FGD4: variants seen among roughly 807,000 people sequenced by gnomAD.
FGD4 encodes the protein FYVE, RhoGEF and PH domain-containing protein 4.
FGD4 carries 42 observed loss-of-function variants against 102.0 expected under a neutral mutation model. The observed-to-expected ratio is 0.41, with a 90% CI of 0.32 to 0.53. The LOEUF is 0.53. FGD4 is among the 20% of genes least tolerant of loss of function. The probability of loss-of-function intolerance (pLI) is 0.21; values close to 1 mark genes in which losing one functional copy is unlikely to be tolerated. For synonymous variants in FGD4, 380 were observed against 375.7 expected, an observed-to-expected ratio of 1.01 and a Z score of -0.13; for missense variants, 902 against 1,078.2, an observed-to-expected ratio of 0.84 and a Z score of 2.29.
At chr12:32,558,765 G>A (rs977453985) in intron 1 of FGD4, among the ~76,000 whole-genome samples, 10 of 152,234 alleles carry the variant, frequency 6.6e-5, no homozygotes, top group African/African-American at 1.9e-4. Context: ...CAGTTGGAAC[G>A]AGGGAGCTAT....
intron 1 of FGD4, chr12:32,511,973 T>A (rs2136678898): frequency 1.3e-5 from 2 of 152,266 alleles, no homozygotes; most frequent in Admixed American, 1.3e-4. Flanking sequence ...CTTCCCCCTA[T>A]TTAAAAAAAT....
chr12:32,606,116 G>A (rs1037975780), intron 7 of FGD4, among the ~76,000 whole-genome samples: 1 of 152,062 alleles, frequency 6.6e-6, no homozygotes, highest in Non-Finnish European at 1.5e-5. Context: ...AAATATTTGG[G>A]ATCAGTAATA....
chr12:32,513,113 G>A (rs1477063793), intron 1 of FGD4, among the ~76,000 whole-genome samples: 1 of 152,140 alleles, frequency 6.6e-6, no homozygotes, highest in Non-Finnish European at 1.5e-5. Flanking sequence ...ACTGTACAAA[G>A]GTACATGCAA....
intron 1 of FGD4, among the ~76,000 whole-genome samples, chr12:32,469,181 A>G (rs1943348890): frequency 6.6e-6 from 1 of 152,034 alleles, no homozygotes; most frequent in Non-Finnish European, 1.5e-5. Flanking sequence ...GTATATACTT[A>G]TTGTTTAAAT....
At position 32,500,396 on chromosome 12, in the gene FGD4, TA is replaced by T. The variant is rs1291996264; in HGVS notation, c.167-63740del. Among the ~76,000 whole-genome samples the T allele has an allele frequency of 9.5e-3, 137 of 14,368 alleles. 1 individual carries two copies. Among genetic ancestry groups the T allele is most frequent in the African/African-American group, 0.03 (125 of 4,154 alleles). The allele number at this position is 14,368 out of a possible 152,430, so 9.4% of individuals were successfully genotyped here. ...TTCTGACCTTATTTTATTTTATTTTTATTTTATTTTATTTTATTTTATTTTA... is the reference window on the plus strand; with the variant it reads ...TTCTGACCTTATTTTATTTTATTTTTTTTTATTTTATTTTATTTTATTTTA... On this transcript the variant is annotated intron_variant, in intron 1 of 16. Transcript: ENST00000534526.
At chr12:32,594,513 C>T (rs1947719268) in intron 4 of FGD4, among the ~76,000 whole-genome samples, 1 of 152,118 alleles carries the variant, frequency 6.6e-6, no homozygotes, top group Non-Finnish European at 1.5e-5. Context: ...AAATAAAGTA[C>T]ACAATAAATG....
intron 2 of FGD4, among the ~76,000 whole-genome samples, chr12:32,571,095 T>C (rs1365524523): frequency 6.6e-6 from 1 of 152,246 alleles, no homozygotes; most frequent in Non-Finnish European, 1.5e-5. Flanking sequence ...GTGTTACTTT[T>C]TCAGTCTTTG....
intron 4 of FGD4, among the ~76,000 whole-genome samples, chr12:32,584,688 T>C (rs1011852603): frequency 6.6e-6 from 1 of 152,298 alleles, no homozygotes; most frequent in East Asian, 1.9e-4. Flanking sequence ...CTTGTTAGCA[T>C]AGCACACCAG....
chr12:32,635,427 T>C (rs567640161), intron 15 of FGD4, among the ~76,000 whole-genome samples: 23 of 152,314 alleles, frequency 1.5e-4, no homozygotes, highest in African/African-American at 4.3e-4. Context: ...TTAGGTCAAC[T>C]CATATAATGA....
chr12:32,645,768 A>C lies in FGD4; in HGVS notation c.*5235A>C, dbSNP rs1951376475. On this transcript the variant is annotated 3_prime_UTR_variant, in exon 17 of 17. Coordinates refer to ENST00000534526, the MANE Select transcript of FGD4 (RefSeq NM_001370298.3). The stretch of plus-strand genomic sequence containing the variant: ...AGAGCAAGACTTCGACTCAAAAAAT[A>C]AAATAAGCGTATCTGGATTTTTCTT... The C allele has an allele frequency of 6.6e-6, 1 of 152,250 alleles. No individual in the cohort carries two copies. The highest frequency in any genetic ancestry group is 1.5e-5 in the Non-Finnish European group (1 of 68,050). The allele number at this position is 152,250 out of a possible 1,614,324, so 9.4% of individuals were successfully genotyped here.
At chr12:32,550,670 CAAAAAAAAAAAA>C (rs71447606) in intron 1 of FGD4, among the ~76,000 whole-genome samples, 1 of 89,244 alleles carries the variant, frequency 1.1e-5, no homozygotes, top group Non-Finnish European at 2.2e-5. Flanking sequence ...GACACTGTCT[CAAAAAAAAAAAA>C]AAAAAAAAAG....
At chr12:32,596,827 C>T (rs560255751) in intron 4 of FGD4, among the ~76,000 whole-genome samples, 75 of 151,500 alleles carry the variant, frequency 5.0e-4, no homozygotes, top group African/African-American at 1.5e-3. Flanking sequence ...CTCAGCTACT[C>T]GGGAGACTGA....
intron 3 of FGD4, among the ~76,000 whole-genome samples, chr12:32,580,178 C>G (rs1053370151): frequency 6.6e-6 from 1 of 152,118 alleles, no homozygotes; most frequent in Non-Finnish European, 1.5e-5. Context: ...GGTTTGACCT[C>G]TGGCTTTTCT....
At position 32,637,920 on chromosome 12, in the gene FGD4, C is replaced by G. The variant is rs1592506598; in HGVS notation, c.2314-735C>G. ...TGAAGATGAGATTTGGGTGGGGACA[C>G]AAGGCCTAACCATATCACTCTACAA... On this transcript the variant is annotated intron_variant, in intron 15 of 16. Transcript: ENST00000534526. 2.6e-5 allele frequency: 4 copies of G among 152,410 alleles called. 1 individual carries two copies. Among genetic ancestry groups the G allele is most frequent in the Admixed American group, 2.6e-4 (4 of 15,308 alleles). 9.4% of individuals were successfully genotyped at this position (152,410 alleles called of 1,614,324 possible). A position where few individuals can be genotyped will look rare whatever the true frequency, so the allele number is the denominator to read the frequency against.
rs1298083291 is a variant in FGD4, at chr12:32,600,583, TCTTTC to T, written c.1102-694_1102-690del. 52 of 364,254 alleles carry T rather than the reference TCTTTC, an allele frequency of 1.4e-4. 2 individuals are homozygous for T. The highest frequency in any genetic ancestry group is 1.4e-3 in the African/African-American group (47 of 34,166). 22.6% of individuals were successfully genotyped at this position (364,254 alleles called of 1,614,324 possible). On this transcript the variant is annotated intron_variant, in intron 5 of 16. Coordinates refer to ENST00000534526, the MANE Select transcript of FGD4 (RefSeq NM_001370298.3). Reference sequence around the variant, plus strand: ...TGTTTTTTGTTTTTCTTTCTTTCTTTCTTTCTTTCTTTTTTTTTTTTTTGTCTTCA... The same window carrying T: ...TGTTTTTTGTTTTTCTTTCTTTCTTTTTTCTTTTTTTTTTTTTTGTCTTCA...
At chr12:32,555,217 G>A (rs553080480) in intron 1 of FGD4, among the ~76,000 whole-genome samples, 5 of 152,316 alleles carry the variant, frequency 3.3e-5, no homozygotes, top group African/African-American at 9.6e-5. Context: ...AGGATGTAGA[G>A]TATGAGAGAA....
intron 2 of FGD4, among the ~76,000 whole-genome samples, chr12:32,572,351 A>G (rs1945744164): frequency 6.6e-6 from 1 of 152,230 alleles, no homozygotes; most frequent in African/African-American, 2.4e-5. Context: ...TAGGGAGCTT[A>G]ACAATCAAGT....
chr12:32,520,763 T>C (rs1277545299), intron 1 of FGD4, among the ~76,000 whole-genome samples: 1 of 152,152 alleles, frequency 6.6e-6, no homozygotes, highest in Non-Finnish European at 1.5e-5. Context: ...GTGTGTATCT[T>C]AATACAGGAA....
chr12:32,560,281 C>T (rs1944431522), intron 1 of FGD4, among the ~76,000 whole-genome samples: 1 of 152,226 alleles, frequency 6.6e-6, no homozygotes, highest in Non-Finnish European at 1.5e-5. Flanking sequence ...GTGTCTCGCT[C>T]TGTCACTCAT....
Sources: gnomAD v4.1 joint callset for allele counts (sites outside exome capture counted in the v4.1 genomes callset) on GRCh38, gnomAD v4.1.1 for gene constraint, MANE v1.5 for transcripts, NCBI Gene and HGNC (gene_info 2026-07-23, HGNC 2026-07-21) for gene names.